The following PCCA variants were observed in gnomAD, a reference collection of about 807,000 sequenced individuals.
PCCA encodes the protein propionyl-CoA carboxylase subunit alpha, also known as propionyl-CoA carboxylase alpha chain, mitochondrial.
In PCCA, 74 loss-of-function variants were observed where a neutral mutation model predicts 101.3. That is an observed-to-expected ratio of 0.73 (90% CI 0.61 to 0.89). PCCA has a LOEUF of 0.89. PCCA is among the 40% of genes least tolerant of loss of function. The pLI is 0.00. For synonymous variants in PCCA, 294 were observed against 313.6 expected (o/e 0.94, Z 0.66); for missense variants, 891 against 907.0 (o/e 0.98, Z 0.23).
chr13:100,311,799 A>C (rs1168604044), intron 16 of PCCA, among the ~76,000 whole-genome samples: 1 of 152,222 alleles, frequency 6.6e-6, no homozygotes, highest in Non-Finnish European at 1.5e-5. Context: ...GCCATGTGTT[A>C]TAAATCACAT....
chr13:100,191,514 C>G (rs1469275669), intron 6 of PCCA, among the ~76,000 whole-genome samples: 2 of 152,172 alleles, frequency 1.3e-5, no homozygotes, highest in African/African-American at 4.8e-5. Flanking sequence ...CACACAGCAG[C>G]CAAGGAACTC....
intron 18 of PCCA, among the ~76,000 whole-genome samples, chr13:100,346,309 C>T (rs537126642): frequency 6.6e-6 from 1 of 152,148 alleles, no homozygotes; most frequent in South Asian, 2.1e-4. Context: ...AAAAGATCAA[C>T]ATTAACAGGA....
At chr13:100,437,510 ATAAC>A (rs952671597) in intron 20 of PCCA, among the ~76,000 whole-genome samples, 2 of 151,148 alleles carry the variant, frequency 1.3e-5, no homozygotes, top group Non-Finnish European at 2.9e-5. Flanking sequence ...GGAAAATGAA[ATAAC>A]TATTTTATAT....
chr13:100,134,031 TTGGGACTCAGAC>T (rs1241871985), intron 4 of PCCA, among the ~76,000 whole-genome samples: 1 of 152,000 alleles, frequency 6.6e-6, no homozygotes, highest in African/African-American at 2.4e-5. Flanking sequence ...TTTTGAGGTT[TTGGGACTCAGAC>T]TGGCTTCCCT....
intron 4 of PCCA, among the ~76,000 whole-genome samples, chr13:100,148,386 C>A (rs376471875): frequency 7.9e-4 from 120 of 152,250 alleles, no homozygotes; most frequent in African/African-American, 2.7e-3. Flanking sequence ...CTCTTTACAT[C>A]CAGCCATATG....
intron 20 of PCCA, among the ~76,000 whole-genome samples, chr13:100,442,665 AGTAGATACTAAACAT>A: frequency 6.6e-6 from 1 of 152,344 alleles, no homozygotes; most frequent in South Asian, 2.1e-4. Context: ...AGCAGGGGGA[AGTAGATACTAAACAT>A]GTAAATACCT....
chr13:100,247,199 C>T (rs373115876), intron 8 of PCCA, among the ~76,000 whole-genome samples: 6 of 148,506 alleles, frequency 4.0e-5, no homozygotes, highest in Non-Finnish European at 5.9e-5. Flanking sequence ...TAAGCCACTG[C>T]GCCCAGCCTG....
intron 7 of PCCA, among the ~76,000 whole-genome samples, chr13:100,211,095 TA>T (rs534421920): frequency 1.3e-5 from 2 of 152,222 alleles, no homozygotes; most frequent in Non-Finnish European, 2.9e-5. Context: ...TCATTGCTAT[TA>T]AAAATGCTCA....
chr13:100,089,258 T>A, intron 1 of PCCA, 33 bp downstream of exon 1: 1 of 1,458,210 alleles, frequency 6.9e-7, no homozygotes, highest in East Asian at 2.8e-5. Flanking sequence ...GGGTCCGGGC[T>A]TCACTGGGCT....
At chr13:100,264,610 C>A (rs1042830750) in intron 10 of PCCA, among the ~76,000 whole-genome samples, 1 of 152,042 alleles carries the variant, frequency 6.6e-6, no homozygotes, top group African/African-American at 2.4e-5. Flanking sequence ...ATTTGACTCA[C>A]CTGCAGTTTA....
At chr13:100,460,417 G>A (rs2082092815) in intron 21 of PCCA, among the ~76,000 whole-genome samples, 2 of 152,096 alleles carry the variant, frequency 1.3e-5, no homozygotes, top group Admixed American at 1.3e-4. Flanking sequence ...AACAATGTTT[G>A]TATGAAAGAG....
intron 8 of PCCA, among the ~76,000 whole-genome samples, chr13:100,246,333 A>G (rs749422688): frequency 6.6e-5 from 10 of 152,138 alleles, no homozygotes; most frequent in South Asian, 4.2e-4. Flanking sequence ...TTTTTGAGAT[A>G]GAGTCTTGCT....
intron 8 of PCCA, among the ~76,000 whole-genome samples, chr13:100,246,156 A>G (rs1167534563): frequency 6.6e-6 from 1 of 152,180 alleles, no homozygotes; most frequent in East Asian, 1.9e-4. Flanking sequence ...TTGGTTGACA[A>G]TACTTACAAC....
chr13:100,354,117 AAT>A (rs1273516079), intron 18 of PCCA, among the ~76,000 whole-genome samples: 65 of 143,116 alleles, frequency 4.5e-4, no homozygotes, highest in African/African-American at 1.4e-3. Flanking sequence ...TAATAATAAT[AAT>A]AAAATAATTC....
intron 15 of PCCA, among the ~76,000 whole-genome samples, chr13:100,309,151 T>C (rs1472869929): frequency 6.6e-6 from 1 of 152,194 alleles, no homozygotes; most frequent in Non-Finnish European, 1.5e-5. Flanking sequence ...TCCCAGCACT[T>C]TGGGAGGCTG....
chr13:100,143,078 C>G (rs1437418444), intron 4 of PCCA, among the ~76,000 whole-genome samples: 1 of 152,098 alleles, frequency 6.6e-6, no homozygotes, highest in Non-Finnish European at 1.5e-5. Context: ...TTTTTCAATC[C>G]TGCTACTCTT....
At chr13:100,524,983 G>GGATGGATGGATA (rs1555330339) in intron 22 of PCCA, among the ~76,000 whole-genome samples, 14,711 of 136,998 alleles carry the variant, frequency 0.11, 769 homozygotes, top group Middle Eastern at 0.16. Context: ...TCTCTAAGAT[G>GGATGGATGGATA]GATAGATAGA....
chr13:100,463,417 A>G (rs1438717162), intron 21 of PCCA, among the ~76,000 whole-genome samples: 6 of 141,914 alleles, frequency 4.2e-5, no homozygotes, highest in African/African-American at 1.6e-4. Context: ...CCACTTCTTT[A>G]GAATCCAGTG....
chr13:100,301,618 G>A lies in PCCA; in HGVS notation c.1209+15G>A. 6.2e-7 allele frequency: 1 copy of A among 1,613,890 alleles called. No individual in the cohort carries two copies. The highest frequency in any genetic ancestry group is 1.7e-5 in the Admixed American group (1 of 60,022). On this transcript the variant is annotated intron_variant, in intron 13 of 23. Coordinates refer to ENST00000376285, the MANE Select transcript of PCCA (RefSeq NM_000282.4). ...TTTATGCTGAGGTAAAATGAATGGTGTTGGGAGGAAGGATGGTGGTTATGT... is the reference window on the plus strand; with the variant it reads ...TTTATGCTGAGGTAAAATGAATGGTATTGGGAGGAAGGATGGTGGTTATGT...
Sources: allele counts gnomAD v4.1 joint callset (sites outside exome capture counted in the v4.1 genomes callset), GRCh38; gene constraint gnomAD v4.1.1; transcripts MANE v1.5; gene names NCBI Gene and HGNC (gene_info 2026-07-23, HGNC 2026-07-21).